Variants in OSBP2 observed in about 807,000 individuals in gnomAD.
OSBP2 encodes the protein oxysterol-binding protein 2.
OSBP2 carries 66 observed loss-of-function variants against 96.0 expected under a neutral mutation model. That is an observed-to-expected ratio of 0.69 (90% CI 0.56 to 0.84). The LOEUF (loss-of-function observed/expected upper bound fraction) is 0.84. Ranked by LOEUF, OSBP2 falls within the 40% of genes least tolerant of loss-of-function variation. The probability of loss-of-function intolerance (pLI) is 0.00; values close to 1 mark genes in which losing one functional copy is unlikely to be tolerated. For missense variants in OSBP2, 1,038 were observed against 1,222.7 expected (o/e 0.85, Z 2.25); for synonymous variants, 525 against 520.9 (o/e 1.01, Z -0.11).
intron 2 of OSBP2, among the ~76,000 whole-genome samples, chr22:30,842,104 G>A (rs2038764472): frequency 6.6e-6 from 1 of 152,014 alleles, no homozygotes; most frequent in South Asian, 2.1e-4. Context: ...GCACCAACAT[G>A]CCCAGCTTAC....
intron 2 of OSBP2, among the ~76,000 whole-genome samples, chr22:30,756,476 C>T (rs904981328): frequency 2.6e-5 from 4 of 152,100 alleles, no homozygotes; most frequent in Non-Finnish European, 4.4e-5. Flanking sequence ...GGGCGGATCA[C>T]GAGGTCAGGA....
At chr22:30,787,270 AAC>A (rs1163769980) in intron 2 of OSBP2, among the ~76,000 whole-genome samples, 2 of 152,170 alleles carry the variant, frequency 1.3e-5, no homozygotes, top group African/African-American at 4.8e-5. Context: ...AGGGGAAGGA[AAC>A]ACATTCTTCT....
chr22:30,775,262 C>G (rs912754631), intron 2 of OSBP2, among the ~76,000 whole-genome samples: 2 of 151,984 alleles, frequency 1.3e-5, no homozygotes, highest in African/African-American at 4.8e-5. Context: ...TACAGCAAAC[C>G]CCATCTGTGC....
At chr22:30,891,850 G>T (rs1218425981) in intron 8 of OSBP2, among the ~76,000 whole-genome samples, 1 of 152,206 alleles carries the variant, frequency 6.6e-6, no homozygotes, top group Non-Finnish European at 1.5e-5. Context: ...GGAGGTTTCA[G>T]CTGGGAAGTG....
chr22:30,851,071 TG>T (rs1380993684), intron 2 of OSBP2, among the ~76,000 whole-genome samples: 1 of 152,158 alleles, frequency 6.6e-6, no homozygotes, highest in African/African-American at 2.4e-5. Flanking sequence ...TTTATTTTAT[TG>T]TTTTTTTGAG....
chr22:30,893,372 C>CA, intron 9 of OSBP2, 91 bp from the exon 10 acceptor site: 1 of 1,535,848 alleles, frequency 6.5e-7, no homozygotes, highest in Non-Finnish European at 9.0e-7. Flanking sequence ...TTCAACCCCC[C>CA]AGCCTAGTTC....
intron 2 of OSBP2, among the ~76,000 whole-genome samples, chr22:30,802,380 C>T (rs1324739627): frequency 1.3e-5 from 2 of 152,236 alleles, no homozygotes; most frequent in African/African-American, 2.4e-5. Flanking sequence ...CCCCTAGTTC[C>T]CGAGATAGAC....
rs530935894 is a variant in OSBP2, at chr22:30,850,569, C to T, written c.854-19860C>T. On this transcript the variant is annotated intron_variant, in intron 2 of 13. Coordinates refer to ENST00000332585, the MANE Select transcript of OSBP2 (RefSeq NM_030758.4). ...GGCTAGAGTGCAGTGGTGTGATCTC[C>T]GCTCACTGCAACCTCCGCCTCCTGG... 2.4e-3 allele frequency among the ~76,000 whole-genome samples: 358 copies of T among 152,068 alleles called. 1 individual carries two copies. The highest frequency in any genetic ancestry group is 7.8e-3 in the African/African-American group (324 of 41,498).
intron 1 of OSBP2, among the ~76,000 whole-genome samples, chr22:30,719,152 A>G (rs185274482): frequency 6.6e-6 from 1 of 151,896 alleles, no homozygotes; most frequent in Admixed American, 6.6e-5. Flanking sequence ...AGTGCCTCGC[A>G]GTCCTCTCAA....
intron 2 of OSBP2, among the ~76,000 whole-genome samples, chr22:30,779,644 G>A (rs899325672): frequency 3.3e-5 from 5 of 152,108 alleles, no homozygotes; most frequent in African/African-American, 4.8e-5. Flanking sequence ...GGAGCTGGAC[G>A]AAGTAACCCC....
At chr22:30,753,693 T>G (rs1195737651) in intron 2 of OSBP2, among the ~76,000 whole-genome samples, 2 of 152,230 alleles carry the variant, frequency 1.3e-5, no homozygotes. Context: ...CCAAGGATTT[T>G]GCATGTGATG....
intron 2 of OSBP2, among the ~76,000 whole-genome samples, chr22:30,813,066 G>T (rs1893771040): frequency 6.6e-6 from 1 of 151,766 alleles, no homozygotes; most frequent in Non-Finnish European, 1.5e-5. Flanking sequence ...TGTTTTTGTG[G>T]TGCTGTGGAA....
intron 2 of OSBP2, among the ~76,000 whole-genome samples, chr22:30,758,231 A>G (rs1602224174): frequency 6.6e-6 from 1 of 151,924 alleles, no homozygotes; most frequent in Non-Finnish European, 1.5e-5. Context: ...GTGAAACCCC[A>G]TCTCTACTAA....
chr22:30,881,626 T>G lies in OSBP2; in HGVS notation c.1108-5800T>G, dbSNP rs774886511. ...GGGAACCTCCCCCTGCCAGTCCCTC[T>G]GCCGGGCCCCAAGCCTAATCCAGCT... On this transcript the variant is annotated intron_variant, in intron 3 of 13. Transcript: ENST00000332585. This position sits in a 1 kb window ranked among gnomAD's most constrained non-coding sequence, Gnocchi z 4.5. 222 of 1,291,954 alleles carry G rather than the reference T, an allele frequency of 1.7e-4. 1 individual carries two copies. Among genetic ancestry groups the G allele is most frequent in the Admixed American group, 5.1e-4 (22 of 43,282 alleles). The allele number at this position is 1,291,954 out of a possible 1,614,324, so 80.0% of individuals were successfully genotyped here.
At chr22:30,797,116 G>A (rs1289778524) in intron 2 of OSBP2, among the ~76,000 whole-genome samples, 1 of 152,228 alleles carries the variant, frequency 6.6e-6, no homozygotes, top group East Asian at 1.9e-4. Context: ...TTTTGTGTCT[G>A]ATCTATTTCC....
At chr22:30,755,311 T>A (rs921887612) in intron 2 of OSBP2, among the ~76,000 whole-genome samples, 2 of 152,146 alleles carry the variant, frequency 1.3e-5, no homozygotes, top group African/African-American at 4.8e-5. Context: ...TCAGGAGACT[T>A]CCCTGCTGGG....
chr22:30,693,834 C>T (rs745369204), upstream of OSBP2: 48 of 481,582 alleles, frequency 1.0e-4, 2 homozygotes, highest in South Asian at 8.9e-4. Context: ...GGGCATGGTG[C>T]GGGCCGTGGA....
At position 30,737,473 on chromosome 22, in the gene OSBP2, C is replaced by T. The variant is rs550441145; in HGVS notation, c.645-3688C>T. Among the ~76,000 whole-genome samples the T allele has an allele frequency of 6.5e-4, 98 of 150,228 alleles. 1 individual carries two copies. Among genetic ancestry groups the T allele is most frequent in the South Asian group, 3.0e-3 (14 of 4,684 alleles). ...GAGTAGCTGGGACTACAGGCGCACA[C>T]CACCTCACTTGGCTAATTAAAAAAA... On this transcript the variant is annotated intron_variant, in intron 1 of 13. Coordinates refer to ENST00000332585, the MANE Select transcript of OSBP2 (RefSeq NM_030758.4).
At chr22:30,898,905 A>T (rs1026486943) in intron 12 of OSBP2, among the ~76,000 whole-genome samples, 6 of 151,242 alleles carry the variant, frequency 4.0e-5, no homozygotes, top group Non-Finnish European at 7.4e-5. Flanking sequence ...GAAATCAATT[A>T]AAAAAACAAA....
Sources: gnomAD v4.1 joint callset for allele counts (sites outside exome capture counted in the v4.1 genomes callset) on GRCh38, gnomAD v4.1.1 for gene constraint, Gnocchi (gnomAD v3.1) non-coding constraint, MANE v1.5 for transcripts, NCBI Gene and HGNC (gene_info 2026-07-23, HGNC 2026-07-21) for gene names.